The following EPB41L2 variants were observed in gnomAD, a reference collection of about 807,000 sequenced individuals.
The protein encoded by EPB41L2 is band 4.1-like protein 2.
A neutral mutation model predicts 113.0 loss-of-function variants in EPB41L2; 43 were observed. The observed-to-expected ratio is 0.38, with a 90% confidence interval of 0.30 to 0.49. EPB41L2 has a LOEUF of 0.49. EPB41L2 is among the 20% of genes least tolerant of loss of function. The probability of loss-of-function intolerance (pLI) is 0.95; values close to 1 mark genes in which losing one functional copy is unlikely to be tolerated. For synonymous variants in EPB41L2, 442 were observed against 436.7 expected (o/e 1.01, Z -0.15); for missense variants, 1,147 against 1,223.4 (o/e 0.94, Z 0.93).
chr6:130,979,072 G>T (rs772041992), intron 1 of EPB41L2, among the ~76,000 whole-genome samples: 2 of 152,126 alleles, frequency 1.3e-5, no homozygotes, highest in African/African-American at 2.4e-5. Flanking sequence ...AATAATGCAT[G>T]ATCAATATGC....
At chr6:130,845,449 C>T (rs1776751569) in intron 19 of EPB41L2, among the ~76,000 whole-genome samples, 1 of 152,104 alleles carries the variant, frequency 6.6e-6, no homozygotes, top group Non-Finnish European at 1.5e-5. Context: ...GCAATCATAG[C>T]TCACTGCAGC....
At chr6:131,056,623 C>A (rs1426361714) in intron 1 of EPB41L2, among the ~76,000 whole-genome samples, 5 of 152,216 alleles carry the variant, frequency 3.3e-5, no homozygotes, top group African/African-American at 1.2e-4. Flanking sequence ...CAGTAACCAA[C>A]CCACTAGGTC....
At chr6:131,061,999 T>C (rs1475764131) in intron 1 of EPB41L2, among the ~76,000 whole-genome samples, 1 of 151,942 alleles carries the variant, frequency 6.6e-6, no homozygotes, top group African/African-American at 2.4e-5. Flanking sequence ...AGCGAAAATA[T>C]AGCCACAGCT....
At chr6:130,967,903 A>G (rs1038615426) in intron 1 of EPB41L2, among the ~76,000 whole-genome samples, 1 of 151,666 alleles carries the variant, frequency 6.6e-6, no homozygotes, top group Non-Finnish European at 1.5e-5. Context: ...TGCTCTATAG[A>G]AAAAAAAATG....
At chr6:130,903,637 A>G (rs1038973967) in intron 6 of EPB41L2, among the ~76,000 whole-genome samples, 2 of 151,890 alleles carry the variant, frequency 1.3e-5, no homozygotes, top group Admixed American at 1.3e-4. Context: ...TGACCATGTA[A>G]GTAACCTTTT....
chr6:130,876,942 G>T (rs1355511937), intron 14 of EPB41L2, among the ~76,000 whole-genome samples: 1 of 152,124 alleles, frequency 6.6e-6, no homozygotes, highest in Non-Finnish European at 1.5e-5. Context: ...CCTTTCTCCA[G>T]AAAACACAAC....
At chr6:130,855,308 G>A (rs770955385) in intron 19 of EPB41L2, among the ~76,000 whole-genome samples, 1 of 146,572 alleles carries the variant, frequency 6.8e-6, no homozygotes, top group African/African-American at 2.5e-5. Context: ...CCGAGATTGC[G>A]CCACTGCACT....
At chr6:131,009,643 T>G (rs1326792022) in intron 1 of EPB41L2, among the ~76,000 whole-genome samples, 2 of 150,016 alleles carry the variant, frequency 1.3e-5, no homozygotes, top group Non-Finnish European at 3.0e-5. Flanking sequence ...AAATCTAAAC[T>G]CTGTTTAACA....
chr6:130,896,187 G>T (rs1794602456), intron 8 of EPB41L2, among the ~76,000 whole-genome samples: 1 of 152,200 alleles, frequency 6.6e-6, no homozygotes, highest in Non-Finnish European at 1.5e-5. Context: ...ATAAATAAAA[G>T]TATAGTATTA....
At position 130,901,131 on chromosome 6, in the gene EPB41L2, G is replaced by A. The variant is rs745706841; in HGVS notation, c.979C>T (p.Pro327Ser). Residue 327 changes from proline to serine, a missense_variant, in exon 7 of 20, where the codon CCC becomes TCC. Transcript: ENST00000337057. The stretch of plus-strand genomic sequence containing the variant: ...AGAGCATGAGTCACAAAAGAGCAGG[G>A]CAGGCGGCCAGAGGCAATGTCCTGC... Reference protein sequence around the residue: ...LRQDIASGRLPCSFVTHALLG... With the variant: ...LRQDIASGRLSCSFVTHALLG... The A allele has an allele frequency of 6.2e-6, 10 of 1,614,088 alleles. No homozygotes were observed. In the East Asian group the frequency reaches 1.6e-4, roughly 25 times the overall value.
intron 4 of EPB41L2, among the ~76,000 whole-genome samples, chr6:130,912,160 C>T (rs1192239292): frequency 6.6e-6 from 1 of 152,144 alleles, no homozygotes; most frequent in Admixed American, 6.5e-5. Context: ...AAAACCATTC[C>T]CTCACCCCCA....
chr6:130,892,064 C>T (rs576108350), intron 10 of EPB41L2, among the ~76,000 whole-genome samples: 49 of 152,198 alleles, frequency 3.2e-4, no homozygotes, highest in African/African-American at 1.2e-3. Flanking sequence ...TTTGCAGGAG[C>T]AAATTGGTCT....
chr6:130,894,487 G>A, intron 9 of EPB41L2, 46 bp from the exon 10 acceptor site: 1 of 1,537,706 alleles, frequency 6.5e-7, no homozygotes. Flanking sequence ...CTTAAGAACT[G>A]ACTAGAAGTT....
At chr6:130,985,945 ACC>A (rs1046457178) in intron 1 of EPB41L2, among the ~76,000 whole-genome samples, 2 of 152,114 alleles carry the variant, frequency 1.3e-5, no homozygotes, top group African/African-American at 4.8e-5. Context: ...CATATTTATC[ACC>A]CCGAAAAGAA....
At chr6:130,881,585 A>G (rs995133022) in intron 12 of EPB41L2, 3 of 152,166 alleles carry the variant, frequency 2.0e-5, no homozygotes, top group Admixed American at 2.0e-4. Context: ...ATGAGGCACT[A>G]AATCACCAGG....
chr6:130,888,041 T>G (rs75589957), intron 11 of EPB41L2, among the ~76,000 whole-genome samples: 126 of 152,330 alleles, frequency 8.3e-4, no homozygotes, highest in African/African-American at 3.0e-3. Flanking sequence ...TTGCCAAACT[T>G]TAAAGTGAGG....
At chr6:130,968,415 A>C (rs1775892805) in intron 1 of EPB41L2, among the ~76,000 whole-genome samples, 1 of 152,186 alleles carries the variant, frequency 6.6e-6, no homozygotes, top group Non-Finnish European at 1.5e-5. Context: ...AAACCTCATA[A>C]AAAAATATAA....
chr6:130,846,731 C>T (rs1330328307), intron 19 of EPB41L2, among the ~76,000 whole-genome samples: 1 of 152,160 alleles, frequency 6.6e-6, no homozygotes, highest in East Asian at 1.9e-4. Context: ...CTTCCTGAGC[C>T]CTGTGTCCTC....
chr6:130,996,922 G>A (rs866975299), intron 1 of EPB41L2, among the ~76,000 whole-genome samples: 36 of 152,114 alleles, frequency 2.4e-4, no homozygotes, highest in African/African-American at 8.5e-4. Context: ...GAAAAATGTA[G>A]GGTTTTCTCC....
Sources: gnomAD v4.1 joint callset for allele counts (sites outside exome capture counted in the v4.1 genomes callset) on GRCh38, gnomAD v4.1.1 for gene constraint, MANE v1.5 for transcripts, NCBI Gene and HGNC (gene_info 2026-07-23, HGNC 2026-07-21) for gene names.